Variants in MRRF observed in about 807,000 individuals in gnomAD.
MRRF encodes the protein ribosome-recycling factor, mitochondrial.
A neutral mutation model predicts 25.1 loss-of-function variants in MRRF; 18 were observed. That is an observed-to-expected ratio of 0.72 (90% confidence interval 0.50 to 1.06). The LOEUF (loss-of-function observed/expected upper bound fraction) is 1.06. Among genes scored for constraint, MRRF ranks in the 50% least tolerant of loss-of-function variants. The probability of loss-of-function intolerance (pLI) is 0.00; values close to 1 mark genes in which losing one functional copy is unlikely to be tolerated. For missense variants in MRRF, 323 were observed against 319.3 expected (o/e 1.01, Z -0.09); for synonymous variants, 113 against 112.1 (o/e 1.01, Z -0.05).
intron 5 of MRRF, among the ~76,000 whole-genome samples, chr9:122,309,847 G>A (rs924719337): frequency 1.3e-5 from 2 of 152,182 alleles, no homozygotes; most frequent in Non-Finnish European, 1.5e-5. Context: ...TGCTGAGAGC[G>A]TTTGGATTTT....
At chr9:122,316,871 A>G (rs1456107907) in intron 6 of MRRF, among the ~76,000 whole-genome samples, 1 of 150,878 alleles carries the variant, frequency 6.6e-6, no homozygotes, top group Non-Finnish European at 1.5e-5. Flanking sequence ...AACATATAGT[A>G]TATATACAAT....
intron 5 of MRRF, 100 bp from the exon 6 acceptor site, chr9:122,313,127 A>G (rs745955579): frequency 2.4e-5 from 29 of 1,230,996 alleles, no homozygotes; most frequent in South Asian, 5.1e-5. Context: ...CAGAGAGGAA[A>G]GTTACAAACT....
At chr9:122,265,813 T>C (rs997951525) in intron 1 of MRRF, 33 of 1,249,682 alleles carry the variant, frequency 2.6e-5, no homozygotes, top group Non-Finnish European at 3.3e-5. Context: ...CTCTTAACTC[T>C]TAGGCAAAAG....
At chr9:122,308,963 T>C (rs551286791) in intron 5 of MRRF, among the ~76,000 whole-genome samples, 4 of 152,168 alleles carry the variant, frequency 2.6e-5, no homozygotes, top group Admixed American at 1.3e-4. Context: ...ACATTAAGTA[T>C]ATTCACATTG....
intron 5 of MRRF, among the ~76,000 whole-genome samples, chr9:122,298,342 A>G (rs901363011): frequency 2.6e-5 from 4 of 152,230 alleles, no homozygotes; most frequent in South Asian, 2.1e-4. Context: ...TTTTGGTTCA[A>G]GAGGCAGTCT....
chr9:122,294,420 A>G (rs1457047689), intron 5 of MRRF, among the ~76,000 whole-genome samples: 1 of 152,222 alleles, frequency 6.6e-6, no homozygotes, highest in Non-Finnish European at 1.5e-5. Flanking sequence ...AGGATCTGTT[A>G]CATTATTTTT....
rs556954515 is a variant in MRRF at position 122,322,350 on chromosome 9, G to A, written c.712-190G>A. Among the ~76,000 whole-genome samples the A allele has an allele frequency of 1.1e-4, 16 of 151,488 alleles. No individual in the cohort carries two copies. The East Asian group carries it at 2.9e-3, about 28-fold the overall frequency. ...TGCACTCCAGCCTGGGCGACAGAGCGAGACTTTGTCTCAAAAAAAAAAAAA... is the reference window on the plus strand; with the variant it reads ...TGCACTCCAGCCTGGGCGACAGAGCAAGACTTTGTCTCAAAAAAAAAAAAA... On this transcript the variant is annotated intron_variant, in intron 6 of 6. Transcript: ENST00000344641.
At chr9:122,276,554 A>C (rs1032512583) in intron 2 of MRRF, among the ~76,000 whole-genome samples, 1 of 152,200 alleles carries the variant, frequency 6.6e-6, no homozygotes, top group Admixed American at 6.5e-5. Flanking sequence ...TTTATTAAGA[A>C]GTGTTTAAAG....
At chr9:122,305,407 T>A (rs1171885204) in intron 5 of MRRF, among the ~76,000 whole-genome samples, 2 of 136,982 alleles carry the variant, frequency 1.5e-5, no homozygotes, top group African/African-American at 2.8e-5. Flanking sequence ...CTGAGACTCA[T>A]CTCAAAAAAA....
At chr9:122,282,233 C>T (rs2118706851) in intron 3 of MRRF, among the ~76,000 whole-genome samples, 1 of 152,324 alleles carries the variant, frequency 6.6e-6, no homozygotes, top group East Asian at 1.9e-4. Flanking sequence ...CTCTTTCTCA[C>T]AGCAATTTCT....
chr9:122,309,389 G>A (rs1367773310), intron 5 of MRRF, among the ~76,000 whole-genome samples: 1 of 152,128 alleles, frequency 6.6e-6, no homozygotes, highest in Non-Finnish European at 1.5e-5. Flanking sequence ...TTTTGGGATA[G>A]TCTTTGCCTT....
chr9:122,265,665 A>G, intron 1 of MRRF: 6 of 896,752 alleles, frequency 6.7e-6, no homozygotes, highest in Non-Finnish European at 9.5e-6. Flanking sequence ...TTGAAACAAA[A>G]TCTACGTAGG....
At chr9:122,271,939 C>A (rs112107843) in intron 2 of MRRF, among the ~76,000 whole-genome samples, 1 of 152,136 alleles carries the variant, frequency 6.6e-6, no homozygotes, top group Non-Finnish European at 1.5e-5. Flanking sequence ...TTCATGCAGA[C>A]CTTCCCCTTT....
At chr9:122,277,892 C>CT (rs1048127153) in intron 2 of MRRF, among the ~76,000 whole-genome samples, 1 of 151,600 alleles carries the variant, frequency 6.6e-6, no homozygotes, top group African/African-American at 2.4e-5. Context: ...TTCCTTTTTT[C>CT]TTTTTTTTAA....
rs140077839 is a variant in MRRF at position 122,291,452 on chromosome 9, G to T, written c.460-297G>T. Among the ~76,000 whole-genome samples the T allele has an allele frequency of 1.9e-4, 29 of 152,208 alleles. No individual in the cohort carries two copies. In the South Asian group the frequency reaches 3.1e-3, roughly 16 times the overall value. ...CCCCCCTCCCTTGAGGATTTATTGT[G>T]GTTTTGATCTGTGTTGCCTCAAACC... is the stretch of plus-strand genomic sequence containing the variant. On this transcript the variant is annotated intron_variant, in intron 4 of 6. Coordinates refer to ENST00000344641, the MANE Select transcript of MRRF (RefSeq NM_138777.5).
chr9:122,330,322 C>T lies in MRRF; in HGVS notation c.*7705C>T, dbSNP rs1202538616. 1.3e-5 allele frequency: 2 copies of T among 152,314 alleles called. No homozygotes were observed. Among genetic ancestry groups the T allele is most frequent in the East Asian group, 1.9e-4 (1 of 5,190 alleles). The allele number at this position is 152,314 out of a possible 1,614,324, so 9.4% of individuals were successfully genotyped here. ...GCATCCCTGAGTTCCAAAGCAGCCT[C>T]GCTAGGCTCTAGAGCCCCTAAATCT... On this transcript the variant is annotated 3_prime_UTR_variant, in exon 7 of 7. Transcript: ENST00000344641. The surrounding 1 kb of genome is among the most constrained non-coding windows in gnomAD (Gnocchi z 4.2).
chr9:122,294,769 G>C (rs1833982736), intron 5 of MRRF, among the ~76,000 whole-genome samples: 1 of 152,196 alleles, frequency 6.6e-6, no homozygotes, highest in Non-Finnish European at 1.5e-5. Flanking sequence ...TTGTAAAATA[G>C]GTTAGTGCAT....
intron 4 of MRRF, chr9:122,285,767 T>G: frequency 7.9e-7 from 1 of 1,264,200 alleles, no homozygotes; most frequent in Non-Finnish European, 1.0e-6. Context: ...CTAATTGAGT[T>G]TTTTTTTTAA....
At chr9:122,298,023 C>T (rs1254168575) in intron 5 of MRRF, among the ~76,000 whole-genome samples, 1 of 152,178 alleles carries the variant, frequency 6.6e-6, no homozygotes, top group African/African-American at 2.4e-5. Flanking sequence ...ACTCTGTTCC[C>T]TATTTTTTAT....
Sources: allele counts gnomAD v4.1 joint callset (sites outside exome capture counted in the v4.1 genomes callset), GRCh38; gene constraint gnomAD v4.1.1; non-coding constraint Gnocchi (gnomAD v3.1); transcripts MANE v1.5; gene names NCBI Gene and HGNC (gene_info 2026-07-23, HGNC 2026-07-21).